Variants in CTNNA3 observed in about 807,000 individuals in gnomAD.
CTNNA3 encodes catenin alpha-3.
CTNNA3 carries 76 observed loss-of-function variants against 95.7 expected under a neutral mutation model. The ratio of observed to expected loss-of-function variants is 0.79; its 90% CI spans 0.66 to 0.96. CTNNA3 has a LOEUF of 0.96. CTNNA3 is among the 40% of genes least tolerant of loss of function. The pLI, the probability that CTNNA3 is intolerant of heterozygous loss-of-function variation, is 0.00. For missense variants in CTNNA3, 1,191 were observed against 1,089.8 expected, an observed-to-expected ratio of 1.09 and a Z score of -1.31; for synonymous variants, 431 against 374.4, an observed-to-expected ratio of 1.15 and a Z score of -1.74.
At chr10:66,914,116 TGGCAGGG>T (rs1846356654) in intron 7 of CTNNA3, among the ~76,000 whole-genome samples, 1 of 145,386 alleles carries the variant, frequency 6.9e-6, no homozygotes, top group Admixed American at 7.2e-5. Context: ...CCTTGCCCAC[TGGCAGGG>T]TGCCTTCTTT....
chr10:66,070,212 C>G (rs2080406828), intron 14 of CTNNA3, among the ~76,000 whole-genome samples: 1 of 152,122 alleles, frequency 6.6e-6, no homozygotes, highest in Non-Finnish European at 1.5e-5. Flanking sequence ...TTTGTAGTTT[C>G]TTTTCTGAGG....
At chr10:66,555,096 A>G (rs1240274329) in intron 10 of CTNNA3, among the ~76,000 whole-genome samples, 1 of 151,998 alleles carries the variant, frequency 6.6e-6, no homozygotes, top group African/African-American at 2.4e-5. Flanking sequence ...GGGTGTGGAA[A>G]TTTTCATGAT....
chr10:65,925,632 T>C (rs2077158099), intron 17 of CTNNA3, among the ~76,000 whole-genome samples: 1 of 152,152 alleles, frequency 6.6e-6, no homozygotes, highest in African/African-American at 2.4e-5. Flanking sequence ...AGACGGGTTT[T>C]CACCATATTG....
At chr10:67,588,288 C>T (rs1393894809) in intron 3 of CTNNA3, among the ~76,000 whole-genome samples, 1 of 150,742 alleles carries the variant, frequency 6.6e-6, no homozygotes, top group Non-Finnish European at 1.5e-5. Context: ...TTTCCTGAAT[C>T]TTTACATTGA....
At chr10:66,129,540 G>A (rs2082988149) in intron 13 of CTNNA3, among the ~76,000 whole-genome samples, 1 of 152,112 alleles carries the variant, frequency 6.6e-6, no homozygotes, top group African/African-American at 2.4e-5. Flanking sequence ...AGCCATAGGA[G>A]AACTGTTGAA....
At chr10:66,171,753 GC>G in intron 13 of CTNNA3, among the ~76,000 whole-genome samples, 1 of 151,980 alleles carries the variant, frequency 6.6e-6, no homozygotes, top group Non-Finnish European at 1.5e-5. Context: ...GAAACTTGGA[GC>G]CATGATTTTG....
At chr10:67,656,724 G>A (rs919840727) in intron 1 of CTNNA3, among the ~76,000 whole-genome samples, 4 of 151,842 alleles carry the variant, frequency 2.6e-5, no homozygotes, top group Non-Finnish European at 4.4e-5. Context: ...GCAGACAGCC[G>A]GGGGAAGAGC....
chr10:66,643,947 C>G (rs1564589368), intron 9 of CTNNA3, among the ~76,000 whole-genome samples: 1 of 151,936 alleles, frequency 6.6e-6, no homozygotes, highest in Non-Finnish European at 1.5e-5. Context: ...AAAAAGAAAA[C>G]AGCAATATAA....
chr10:67,036,546 A>C (rs1040251545), intron 7 of CTNNA3, among the ~76,000 whole-genome samples: 2 of 151,936 alleles, frequency 1.3e-5, no homozygotes, highest in Non-Finnish European at 2.9e-5. Context: ...TTTTTAAAAA[A>C]ATTTTTGGTA....
intron 5 of CTNNA3, among the ~76,000 whole-genome samples, chr10:67,332,460 G>A (rs1841828710): frequency 6.6e-6 from 1 of 152,128 alleles, no homozygotes; most frequent in African/African-American, 2.4e-5. Flanking sequence ...GTGAACTGTA[G>A]AGATAGATTT....
At chr10:66,798,897 C>T (rs1312873537) in intron 7 of CTNNA3, among the ~76,000 whole-genome samples, 10 of 151,632 alleles carry the variant, frequency 6.6e-5, no homozygotes. Flanking sequence ...AATCTGTCAT[C>T]ATCTATAGAA....
chr10:66,726,120 G>A (rs537941028), intron 9 of CTNNA3, among the ~76,000 whole-genome samples: 2 of 152,042 alleles, frequency 1.3e-5, no homozygotes, highest in Non-Finnish European at 2.9e-5. Context: ...AGTTATAAGA[G>A]CTCGACATAA....
chr10:67,700,896 T>C (rs959357861), upstream of CTNNA3, among the ~76,000 whole-genome samples: 4 of 152,030 alleles, frequency 2.6e-5, no homozygotes, highest in East Asian at 1.9e-4. Flanking sequence ...TAGACGAATA[T>C]ATAACTAGAA....
chr10:66,233,608 T>A (rs2089700628), intron 13 of CTNNA3, among the ~76,000 whole-genome samples: 1 of 152,202 alleles, frequency 6.6e-6, no homozygotes, highest in Non-Finnish European at 1.5e-5. Context: ...ATTACAGTGC[T>A]CCAGCACTGC....
intron 11 of CTNNA3, among the ~76,000 whole-genome samples, chr10:66,420,586 G>A (rs1019296504): frequency 3.9e-5 from 6 of 151,942 alleles, no homozygotes; most frequent in Non-Finnish European, 5.9e-5. Flanking sequence ...AGGTCATGAG[G>A]TCAGGAGATT....
intron 7 of CTNNA3, among the ~76,000 whole-genome samples, chr10:66,900,319 G>A (rs769608374): frequency 2.0e-5 from 3 of 152,072 alleles, no homozygotes; most frequent in Non-Finnish European, 4.4e-5. Context: ...GAAAGGAATA[G>A]CATCAACATC....
chr10:66,588,950 T>G (rs2132222835), intron 10 of CTNNA3, among the ~76,000 whole-genome samples: 1 of 152,210 alleles, frequency 6.6e-6, no homozygotes, highest in South Asian at 2.1e-4. Flanking sequence ...TTAAAGTGCC[T>G]TTGGTTATAA....
chr10:67,449,088 C>T (rs906263420), intron 5 of CTNNA3, among the ~76,000 whole-genome samples: 6 of 151,682 alleles, frequency 4.0e-5, no homozygotes, highest in Non-Finnish European at 8.8e-5. Flanking sequence ...ACAATTGACA[C>T]AAAACGAATT....
chr10:67,105,630 C>T (rs553761086), intron 7 of CTNNA3, among the ~76,000 whole-genome samples: 34 of 152,174 alleles, frequency 2.2e-4, no homozygotes, highest in East Asian at 5.8e-4. Flanking sequence ...GATTGGTCAC[C>T]GCTGTTTTTC....
Sources: allele counts gnomAD v4.1 joint callset (sites outside exome capture counted in the v4.1 genomes callset), GRCh38; gene constraint gnomAD v4.1.1; transcripts MANE v1.5; gene names NCBI Gene and HGNC (gene_info 2026-07-23, HGNC 2026-07-21).